Variants in MFAP3L observed in about 807,000 individuals in gnomAD.
The protein encoded by MFAP3L is microfibrillar-associated protein 3-like.
A neutral mutation model predicts 20.0 loss-of-function variants in MFAP3L; 5 were observed. The ratio of observed to expected loss-of-function variants is 0.25; its 90% CI spans 0.13 to 0.53. The LOEUF (loss-of-function observed/expected upper bound fraction) is 0.53, where lower values mean the gene tolerates loss of function less well. MFAP3L is among the 20% of genes least tolerant of loss of function. MFAP3L has a pLI of 0.96. For synonymous variants in MFAP3L, 219 were observed against 213.0 expected, an observed-to-expected ratio of 1.03 and a Z score of -0.25; for missense variants, 409 against 527.5, an observed-to-expected ratio of 0.78 and a Z score of 2.20.
At chr4:170,006,114 A>AT in intron 1 of MFAP3L, 104 bp from the exon 2 acceptor site, 2 of 821,680 alleles carry the variant, frequency 2.4e-6, no homozygotes, top group Non-Finnish European at 3.3e-6. Flanking sequence ...ACATCAACAT[A>AT]CTTTTTTTTT....
chr4:169,999,340 A>C (rs1258036101), intron 2 of MFAP3L, among the ~76,000 whole-genome samples: 2 of 152,208 alleles, frequency 1.3e-5, no homozygotes, highest in South Asian at 2.1e-4. Context: ...TGCTGTTCAG[A>C]ATCTGTAGTT....
At position 170,002,570 on chromosome 4, in the gene MFAP3L, C is replaced by T. The variant is rs556435690; in HGVS notation, c.298+3010G>A. Among the ~76,000 whole-genome samples the T allele has an allele frequency of 1.2e-3, 176 of 151,850 alleles. 1 individual carries two copies. Among genetic ancestry groups the T allele is most frequent in the African/African-American group, 4.0e-3 (164 of 41,374 alleles). On this transcript the variant is annotated intron_variant, in intron 2 of 2. Coordinates refer to ENST00000361618, the MANE Select transcript of MFAP3L (RefSeq NM_021647.8). ...CTGTCACCAGGCTCGAGTGCAGTGGCGCGATCTCAGCTCACTGCAACCTCT... is the reference window on the plus strand; with the variant it reads ...CTGTCACCAGGCTCGAGTGCAGTGGTGCGATCTCAGCTCACTGCAACCTCT...
chr4:170,012,541 C>T (rs1432380491), intron 1 of MFAP3L, among the ~76,000 whole-genome samples: 3 of 152,176 alleles, frequency 2.0e-5, no homozygotes, highest in Non-Finnish European at 4.4e-5. Context: ...TTCCTCACTG[C>T]TCCTCCTAGC....
intron 1 of MFAP3L, among the ~76,000 whole-genome samples, chr4:170,022,408 G>C (rs558327447): frequency 6.6e-6 from 1 of 152,236 alleles, no homozygotes; most frequent in South Asian, 2.1e-4. Context: ...TCTATAATAG[G>C]ACAGAATCCA....
chr4:170,026,275 C>T lies in MFAP3L; in HGVS notation c.-175G>A. On this transcript the variant is annotated 5_prime_UTR_variant, in exon 1 of 3. Coordinates refer to ENST00000361618, the MANE Select transcript of MFAP3L (RefSeq NM_021647.8). Reference sequence around the variant, plus strand: ...ACTCAGGTGGCCGCCGTGCACCCCTCGCCATGGCCAGCCCGACAGCGGCCG... The same window carrying T: ...ACTCAGGTGGCCGCCGTGCACCCCTTGCCATGGCCAGCCCGACAGCGGCCG... 2.0e-6 allele frequency: 2 copies of T among 984,352 alleles called. No individual in the cohort carries two copies. Among genetic ancestry groups the T allele is most frequent in the Non-Finnish European group, 2.4e-6 (2 of 829,604 alleles). The allele number at this position is 984,352 out of a possible 1,614,324, so 61.0% of individuals were successfully genotyped here.
chr4:169,993,416 A>G (rs1737886614), intron 2 of MFAP3L: 1 of 152,196 alleles, frequency 6.6e-6, no homozygotes, highest in Non-Finnish European at 1.5e-5. Context: ...AACTGAACGC[A>G]GTTTCAAGTA....
chr4:170,015,754 TCAC>T (rs1739660244), intron 1 of MFAP3L, among the ~76,000 whole-genome samples: 1 of 152,148 alleles, frequency 6.6e-6, no homozygotes, highest in South Asian at 2.1e-4. Flanking sequence ...CCCTCCAACT[TCAC>T]CACCAGAGCA....
At chr4:169,999,170 G>A (rs530625487) in intron 2 of MFAP3L, among the ~76,000 whole-genome samples, 1 of 152,278 alleles carries the variant, frequency 6.6e-6, no homozygotes, top group Non-Finnish European at 1.5e-5. Context: ...GTGCTCTTGT[G>A]CCTCCCCAAC....
intron 2 of MFAP3L, chr4:170,002,086 C>G: frequency 3.0e-6 from 3 of 985,032 alleles, no homozygotes; most frequent in Non-Finnish European, 3.6e-6. Flanking sequence ...ATGTGCATGC[C>G]ATGTACACAC....
At chr4:170,010,907 T>A (rs994285569) in intron 1 of MFAP3L, among the ~76,000 whole-genome samples, 1 of 152,178 alleles carries the variant, frequency 6.6e-6, no homozygotes, top group Admixed American at 6.5e-5. Flanking sequence ...GGTGATATGG[T>A]TTGGCTGTGT....
intron 2 of MFAP3L, among the ~76,000 whole-genome samples, chr4:169,998,737 C>T (rs1738391202): frequency 1.3e-5 from 2 of 152,186 alleles, no homozygotes; most frequent in Non-Finnish European, 2.9e-5. Flanking sequence ...TATTAACGAT[C>T]CTGTTTAGAC....
chr4:170,023,877 T>C (rs1426400955), intron 1 of MFAP3L, among the ~76,000 whole-genome samples: 2 of 152,200 alleles, frequency 1.3e-5, no homozygotes, highest in African/African-American at 4.8e-5. Flanking sequence ...GTATTTAAAT[T>C]GCAAGCCAAA....
At chr4:170,008,324 G>A (rs6814112) in intron 1 of MFAP3L, among the ~76,000 whole-genome samples, 21,041 of 151,978 alleles carry the variant, frequency 0.14, 3,747 homozygotes, top group African/African-American at 0.41. Flanking sequence ...ACAGCGTTTT[G>A]CTCTAAAATT....
chr4:170,004,521 G>A (rs867582775), intron 2 of MFAP3L, among the ~76,000 whole-genome samples: 3 of 152,174 alleles, frequency 2.0e-5, no homozygotes, highest in Non-Finnish European at 4.4e-5. Flanking sequence ...CAATTAGACG[G>A]CTAGCAGCCT....
Position 170,005,914 on chromosome 4 carries a change from T to C in MFAP3L, c.-37A>G, listed in dbSNP as rs779211286. On this transcript the variant is annotated 5_prime_UTR_variant, in exon 2 of 3. Coordinates refer to ENST00000361618, the MANE Select transcript of MFAP3L (RefSeq NM_021647.8). ...GCTCTGTAAGGCAATAGAGAGATGG[T>C]TTGCCAACCGAATCTTCTATCAGAC... The C allele has an allele frequency of 2.3e-5, 37 of 1,591,076 alleles. No homozygotes were observed. The highest frequency in any genetic ancestry group is 3.0e-5 in the Non-Finnish European group (35 of 1,166,122).
At chr4:170,004,798 ACTCCCCCACCCCAAC>A (rs1460195167) in intron 2 of MFAP3L, among the ~76,000 whole-genome samples, 2 of 151,858 alleles carry the variant, frequency 1.3e-5, no homozygotes, top group Non-Finnish European at 2.9e-5. Flanking sequence ...TGTTCTTTTC[ACTCCCCCACCCCAAC>A]CCCTCTACTT....
In MFAP3L at chr4:170,002,105, C is replaced by T. The variant is rs1031091279; in HGVS notation, c.298+3475G>A. On this transcript the variant is annotated intron_variant, in intron 2 of 2. Coordinates refer to ENST00000361618, the MANE Select transcript of MFAP3L (RefSeq NM_021647.8). ...GCATGCCATGTACACACACATGTTCCGGCACAAATCCTAACACTGTCTGAC... is the reference window on the plus strand; with the variant it reads ...GCATGCCATGTACACACACATGTTCTGGCACAAATCCTAACACTGTCTGAC... 4.2e-5 allele frequency: 41 copies of T among 985,296 alleles called. No individual in the cohort carries two copies. The African/African-American group carries it at 5.1e-4, about 12-fold the overall frequency. 61.0% of individuals were successfully genotyped at this position (985,296 alleles called of 1,614,324 possible). A position where few individuals can be genotyped will look rare whatever the true frequency, so the allele number is the denominator to read the frequency against.
intron 2 of MFAP3L, chr4:170,003,653 T>C (rs1240726814): frequency 1.7e-5 from 17 of 984,772 alleles, no homozygotes; most frequent in Admixed American, 6.1e-5. Context: ...ACCCAGCTTT[T>C]TAATACCCAG....
intron 1 of MFAP3L, among the ~76,000 whole-genome samples, chr4:170,007,929 A>C (rs1302982398): frequency 1.3e-5 from 2 of 152,224 alleles, no homozygotes; most frequent in Admixed American, 1.3e-4. Flanking sequence ...CCCCAGTTAA[A>C]GAAAATGCCA....
Sources: allele counts gnomAD v4.1 joint callset (sites outside exome capture counted in the v4.1 genomes callset), GRCh38; gene constraint gnomAD v4.1.1; transcripts MANE v1.5; gene names NCBI Gene and HGNC (gene_info 2026-07-23, HGNC 2026-07-21).